Variants in PPM1E observed in about 807,000 individuals in gnomAD.
PPM1E encodes the protein protein phosphatase, Mg2+/Mn2+ dependent 1E.
In PPM1E, 20 loss-of-function variants were observed where a neutral mutation model predicts 65.9. The observed-to-expected ratio is 0.30, with a 90% CI of 0.21 to 0.44. PPM1E has a LOEUF of 0.44. Among genes scored for constraint, PPM1E ranks in the 20% least tolerant of loss-of-function variants. The pLI is 1.00. For synonymous variants in PPM1E, 352 were observed against 374.9 expected (o/e 0.94, Z 0.70); for missense variants, 713 against 953.1 (o/e 0.75, Z 3.32).
At position 58,781,073 on chromosome 17, in the gene PPM1E, A is replaced by G. The variant is rs551374650; in HGVS notation, c.464+24612A>G. 2.0e-5 allele frequency among the ~76,000 whole-genome samples: 3 copies of G among 152,122 alleles called. No individual in the cohort carries two copies. The South Asian group carries it at 6.2e-4, about 32-fold the overall frequency. The stretch of plus-strand genomic sequence containing the variant: ...TGGCTAAGGCATGAATATAAGATTT[A>G]TAAAAGATTGGTATAATGGTAGATA... On this transcript the variant is annotated intron_variant, in intron 1 of 6. Coordinates refer to ENST00000308249, the MANE Select transcript of PPM1E (RefSeq NM_014906.5).
At chr17:58,858,875 T>A (rs1019599469) in intron 1 of PPM1E, among the ~76,000 whole-genome samples, 1 of 152,228 alleles carries the variant, frequency 6.6e-6, no homozygotes, top group Non-Finnish European at 1.5e-5. Context: ...ATATGGTAGT[T>A]CTATTTGTAG....
At chr17:58,800,129 G>T (rs1240687620) in intron 1 of PPM1E, among the ~76,000 whole-genome samples, 1 of 152,048 alleles carries the variant, frequency 6.6e-6, no homozygotes, top group Non-Finnish European at 1.5e-5. Flanking sequence ...CATATAGATG[G>T]ATGTTGAACT....
At chr17:58,838,742 C>A (rs1285892258) in intron 1 of PPM1E, among the ~76,000 whole-genome samples, 1 of 152,154 alleles carries the variant, frequency 6.6e-6, no homozygotes, top group Non-Finnish European at 1.5e-5. Context: ...TTTACAGCAG[C>A]TTTATTCATA....
intron 1 of PPM1E, among the ~76,000 whole-genome samples, chr17:58,931,500 G>A (rs1598657778): frequency 6.6e-6 from 1 of 152,040 alleles, no homozygotes; most frequent in East Asian, 1.9e-4. Context: ...TAGATTGAGA[G>A]AGTACATCAT....
In PPM1E at chr17:58,756,183, G is replaced by C. The variant is rs1454715618; in HGVS notation, c.186G>C (p.Ser62=). The stretch of plus-strand genomic sequence containing the variant: ...TAGAAGCTGAGGCGGCCGAGGCTTC[G>C]GTAGAGGAACCCGGGGAGGAGGCGG... ...ELVEAEAAEA[S]VEEPGEEAAT... Residue 62 remains serine (S), a synonymous_variant, in exon 1 of 7, where the codon TCG becomes TCC. Coordinates refer to ENST00000308249, the MANE Select transcript of PPM1E (RefSeq NM_014906.5). The C allele has an allele frequency of 1.3e-6, 2 of 1,568,812 alleles. No individual in the cohort carries two copies. Among genetic ancestry groups the C allele is most frequent in the East Asian group, 4.7e-5 (2 of 42,890 alleles).
intron 1 of PPM1E, among the ~76,000 whole-genome samples, chr17:58,843,378 C>T (rs998368730): frequency 2.0e-5 from 3 of 150,976 alleles, no homozygotes; most frequent in African/African-American, 4.9e-5. Context: ...ACTAGCTGGG[C>T]GTGGTGGTGC....
intron 1 of PPM1E, among the ~76,000 whole-genome samples, chr17:58,944,361 C>T: frequency 6.6e-6 from 1 of 152,070 alleles, no homozygotes; most frequent in East Asian, 1.9e-4. Context: ...ACATGACTTG[C>T]CTTTTTAAAA....
rs907631718 is a variant in PPM1E, at chr17:58,778,739, T to A, written c.464+22278T>A. On this transcript the variant is annotated intron_variant, in intron 1 of 6. Transcript: ENST00000308249. ...CTGAGCCACAGCTCCTGGCCCTAAT[T>A]TATGTTTTACATAGCGTTTTGTTCT... Among the ~76,000 whole-genome samples the A allele has an allele frequency of 7.9e-5, 12 of 151,914 alleles. No individual in the cohort carries two copies. In the East Asian group the frequency reaches 2.3e-3, roughly 29 times the overall value.
intron 1 of PPM1E, among the ~76,000 whole-genome samples, chr17:58,878,432 T>C (rs925291802): frequency 2.0e-5 from 3 of 151,404 alleles, no homozygotes; most frequent in Admixed American, 2.0e-4. Context: ...TTAGTAGAAA[T>C]GGGGTTTCAC....
At chr17:58,789,252 A>G (rs1157303049) in intron 1 of PPM1E, among the ~76,000 whole-genome samples, 3 of 152,200 alleles carry the variant, frequency 2.0e-5, no homozygotes, top group African/African-American at 4.8e-5. Context: ...AGTATATCCA[A>G]TAAAGATTCT....
At position 58,980,917 on chromosome 17, in the gene PPM1E, T is replaced by C. The variant is rs1453991479; in HGVS notation, c.2154T>C (p.Ser718=). 3.1e-6 allele frequency: 5 copies of C among 1,614,146 alleles called. No individual in the cohort carries two copies. The highest frequency in any genetic ancestry group is 1.6e-4 in the Middle Eastern group (1 of 6,062). Residue 718 remains serine, a synonymous_variant, in exon 7 of 7, where the codon AGT becomes AGC. Coordinates refer to ENST00000308249, the MANE Select transcript of PPM1E (RefSeq NM_014906.5). The surrounding 1 kb of genome is among the most constrained non-coding windows in gnomAD (Gnocchi z 4.7). ...TGSGKRNRIR[S]SLPWRQNSWK... ...GTGGGAAGAGAAATAGGATAAGAAGTTCTCTGCCATGGAGGCAAAATAGTT... is the reference window on the plus strand; with the variant it reads ...GTGGGAAGAGAAATAGGATAAGAAGCTCTCTGCCATGGAGGCAAAATAGTT...
chr17:58,937,879 CAAA>C (rs1226139023), intron 1 of PPM1E, among the ~76,000 whole-genome samples: 73 of 82,938 alleles, frequency 8.8e-4, no homozygotes, highest in African/African-American at 3.4e-3. Flanking sequence ...GACTCCATCT[CAAA>C]AAAAAAAAAA....
intron 1 of PPM1E, among the ~76,000 whole-genome samples, chr17:58,845,298 G>GT (rs2050759868): frequency 1.4e-5 from 2 of 146,502 alleles, no homozygotes; most frequent in African/African-American, 5.1e-5. Flanking sequence ...GGTCATGGTT[G>GT]GTTTTTTTTT....
At chr17:58,797,140 G>T (rs867974283) in intron 1 of PPM1E, among the ~76,000 whole-genome samples, 2 of 151,914 alleles carry the variant, frequency 1.3e-5, no homozygotes. Flanking sequence ...TGCAAAGTTT[G>T]CCCCTAAAAA....
At chr17:58,900,085 T>A (rs1469045378) in intron 1 of PPM1E, among the ~76,000 whole-genome samples, 1 of 151,724 alleles carries the variant, frequency 6.6e-6, no homozygotes, top group Non-Finnish European at 1.5e-5. Flanking sequence ...AAGAAAGTGG[T>A]TTCTTAACAT....
chr17:58,897,336 C>T (rs1418214341), intron 1 of PPM1E, among the ~76,000 whole-genome samples: 2 of 151,730 alleles, frequency 1.3e-5, no homozygotes, highest in Non-Finnish European at 2.9e-5. Flanking sequence ...ATGGCGTGAA[C>T]CTGGGAGGCA....
At chr17:58,867,744 A>G (rs1417301803) in intron 1 of PPM1E, among the ~76,000 whole-genome samples, 2 of 152,198 alleles carry the variant, frequency 1.3e-5, no homozygotes, top group Non-Finnish European at 2.9e-5. Context: ...TGTATCTCAC[A>G]ATTTTGTTTT....
chr17:58,892,382 G>A (rs1358054743), intron 1 of PPM1E, among the ~76,000 whole-genome samples: 1 of 152,012 alleles, frequency 6.6e-6, no homozygotes, highest in Non-Finnish European at 1.5e-5. Context: ...GAGACCAGCT[G>A]GGCAAACATA....
In PPM1E at chr17:58,955,723, C is replaced by T; in HGVS notation, c.539C>T (p.Ala180Val). Residue 180 changes from alanine (A) to valine (V), a missense_variant, in exon 2 of 7, where the codon GCA (alanine) becomes GTA (valine). This residue lies in a region of PPM1E where 84 missense variants were observed against 113.9 expected (regional missense o/e 0.74). Coordinates refer to ENST00000308249, the MANE Select transcript of PPM1E (RefSeq NM_014906.5). Reference sequence around the variant, plus strand: ...GAAGTCCTTCAGAGTGATCTTTCTGCACATTATATCCCAAAGGAAACGGAT... The same window carrying T: ...GAAGTCCTTCAGAGTGATCTTTCTGTACATTATATCCCAAAGGAAACGGAT... ...SDEVLQSDLS[A>V]HYIPKETDGT... 6.2e-7 allele frequency: 1 copy of T among 1,612,756 alleles called. No individual in the cohort carries two copies. The highest frequency in any genetic ancestry group is 8.5e-7 in the Non-Finnish European group (1 of 1,179,642).
Sources: gnomAD v4.1 joint callset for allele counts (sites outside exome capture counted in the v4.1 genomes callset) on GRCh38, gnomAD v4.1.1 for gene constraint, gnomAD v4.1.1 regional missense constraint, Gnocchi (gnomAD v3.1) non-coding constraint, MANE v1.5 for transcripts, NCBI Gene and HGNC (gene_info 2026-07-23, HGNC 2026-07-21) for gene names.